Variants in SOAT1 observed in about 807,000 individuals in gnomAD.
SOAT1 encodes acyl-coenzyme A:cholesterol acyltransferase 1.
SOAT1 carries 55 observed loss-of-function variants against 69.5 expected under a neutral mutation model. The observed-to-expected ratio is 0.79, with a 90% CI of 0.64 to 0.99. The LOEUF is 0.99. Ranked by LOEUF, SOAT1 falls within the 50% of genes least tolerant of loss-of-function variation. SOAT1 has a pLI of 0.00. For missense variants in SOAT1, 580 were observed against 669.3 expected (o/e 0.87, Z 1.47); for synonymous variants, 231 against 224.7 (o/e 1.03, Z -0.25).
chr1:179,305,947 G>T (rs1664987579), intron 2 of SOAT1, among the ~76,000 whole-genome samples: 2 of 152,318 alleles, frequency 1.3e-5, no homozygotes, highest in South Asian at 4.1e-4. Context: ...GACCGATGGG[G>T]TTGGGGGAGC....
Position 179,345,018 on chromosome 1 carries a change from A to G in SOAT1, c.1059A>G (p.Lys353=), listed in dbSNP as rs768272475. The G allele has an allele frequency of 1.9e-6, 3 of 1,614,002 alleles. No homozygotes were observed. Among genetic ancestry groups the G allele is most frequent in the Non-Finnish European group, 2.5e-6 (3 of 1,179,996 alleles). Residue 353 remains lysine (K), a synonymous_variant, in exon 11 of 16, where the codon AAA becomes AAG. Coordinates refer to ENST00000367619, the MANE Select transcript of SOAT1 (RefSeq NM_003101.6). ...GTGCCCCCTTGTTTCGGAATATCAAACAGGAGCCCTTCAGCGCTCGTGTTC... is the reference window on the plus strand; with the variant it reads ...GTGCCCCCTTGTTTCGGAATATCAAGCAGGAGCCCTTCAGCGCTCGTGTTC... ...RLCAPLFRNI[K]QEPFSARVLV...
chr1:179,326,206 T>C (rs1203703776), intron 3 of SOAT1, among the ~76,000 whole-genome samples: 1 of 152,226 alleles, frequency 6.6e-6, no homozygotes, highest in East Asian at 1.9e-4. Context: ...TCGACTTTTA[T>C]GCCCTCCTTC....
intron 2 of SOAT1, among the ~76,000 whole-genome samples, chr1:179,315,469 T>TAA (rs559321401): frequency 3.5e-5 from 5 of 143,090 alleles, no homozygotes; most frequent in African/African-American, 1.3e-4. Flanking sequence ...GAACCTGTCT[T>TAA]AAAAAAAAAA....
intron 1 of SOAT1, among the ~76,000 whole-genome samples, chr1:179,301,478 C>G (rs930131640): frequency 1.3e-5 from 2 of 152,210 alleles, no homozygotes; most frequent in East Asian, 1.9e-4. Flanking sequence ...CAGTTCCAAT[C>G]GGGCTCTGTC....
At chr1:179,349,308 A>G (rs1351525130) in intron 13 of SOAT1, among the ~76,000 whole-genome samples, 7 of 147,188 alleles carry the variant, frequency 4.8e-5, no homozygotes, top group African/African-American at 1.7e-4. Flanking sequence ...TTCGTTTTTC[A>G]TGGTTAAAGG....
chr1:179,339,522 A>G lies in SOAT1; in HGVS notation c.474A>G (p.Val158=). 3.1e-6 allele frequency: 5 copies of G among 1,610,524 alleles called. No individual in the cohort carries two copies. The highest frequency in any genetic ancestry group is 1.1e-5 in the South Asian group (1 of 90,756). The part of the protein sequence containing the change: ...LLILFILSTL[V]VDYIDEGRLV... ...TTCTCTTTATCCTCAGCACACTTGT[A>G]GTAGATTACATTGATGAAGGAAGGT... is the stretch of plus-strand genomic sequence containing the variant. Residue 158 remains valine (V), a synonymous_variant, in exon 6 of 16, where the codon GTA becomes GTG. Coordinates refer to ENST00000367619, the MANE Select transcript of SOAT1 (RefSeq NM_003101.6).
chr1:179,320,413 T>C (rs1156403499), intron 2 of SOAT1, among the ~76,000 whole-genome samples: 49 of 152,266 alleles, frequency 3.2e-4, no homozygotes, highest in Non-Finnish European at 1.5e-5. Context: ...ATCTCTAAAA[T>C]TGGGAAGTGT....
chr1:179,335,714 G>A (rs1666123514), intron 4 of SOAT1, 57 bp downstream of exon 4: 5 of 1,476,744 alleles, frequency 3.4e-6, no homozygotes, highest in Non-Finnish European at 4.6e-6. Flanking sequence ...GTTCAATGGT[G>A]AAAATGGACT....
rs140574880 is a variant in SOAT1, at chr1:179,337,651, C to T, written c.330-186C>T. Among the ~76,000 whole-genome samples, 106 of 152,178 alleles carry T rather than the reference C, an allele frequency of 7.0e-4. 1 individual carries two copies. Among genetic ancestry groups the T allele is most frequent in the Non-Finnish European group, 5.9e-4 (40 of 68,012 alleles). On this transcript the variant is annotated intron_variant, in intron 4 of 15. Coordinates refer to ENST00000367619, the MANE Select transcript of SOAT1 (RefSeq NM_003101.6). ...GGTAAATGAAGTAACATACATAAAA[C>T]TGTAACACAATATTTGGATCTGTTT...
intron 1 of SOAT1, among the ~76,000 whole-genome samples, chr1:179,299,104 A>T (rs972106194): frequency 6.6e-6 from 1 of 152,162 alleles, no homozygotes; most frequent in Admixed American, 6.6e-5. Context: ...GTAACATGTG[A>T]CAGGATGCTC....
chr1:179,295,180 T>C (rs540518743), intron 1 of SOAT1, among the ~76,000 whole-genome samples: 1 of 152,336 alleles, frequency 6.6e-6, no homozygotes, highest in South Asian at 2.1e-4. Context: ...TGGCCCACTT[T>C]CCTTCTGGCT....
intron 1 of SOAT1, among the ~76,000 whole-genome samples, chr1:179,294,141 C>T (rs1664548438): frequency 6.6e-6 from 1 of 152,248 alleles, no homozygotes; most frequent in African/African-American, 2.4e-5. Flanking sequence ...GGGTCACGGG[C>T]AGCCTTTTAA....
chr1:179,301,044 G>T (rs576977006), intron 1 of SOAT1, among the ~76,000 whole-genome samples: 1 of 152,080 alleles, frequency 6.6e-6, no homozygotes. Context: ...GCAGTGAGCC[G>T]AGATTGCACC....
At chr1:179,310,880 A>G (rs1190631759) in intron 2 of SOAT1, among the ~76,000 whole-genome samples, 71 of 152,226 alleles carry the variant, frequency 4.7e-4, no homozygotes, top group Non-Finnish European at 1.5e-5. Context: ...AAAATTGGTT[A>G]TTAGTCACTG....
At chr1:179,348,688 T>G (rs1666612580) in intron 12 of SOAT1, among the ~76,000 whole-genome samples, 156 bp from the exon 13 acceptor site, 1 of 152,166 alleles carries the variant, frequency 6.6e-6, no homozygotes, top group African/African-American at 2.4e-5. Context: ...ACCAACAGTT[T>G]ATCACAGTAT....
Position 179,302,664 on chromosome 1 carries a change from C to G in SOAT1, c.-8-13C>G. ...CGGACTAATACGAAAGCTTTTTACACCTTCTTTCCTAGACAATACAATGGT... is the reference window on the plus strand; with the variant it reads ...CGGACTAATACGAAAGCTTTTTACAGCTTCTTTCCTAGACAATACAATGGT... On this transcript the variant is annotated splice_polypyrimidine_tract_variant and intron_variant, in intron 1 of 15. Coordinates refer to ENST00000367619, the MANE Select transcript of SOAT1 (RefSeq NM_003101.6). 2 of 1,549,118 alleles carry G rather than the reference C, an allele frequency of 1.3e-6. No individual in the cohort carries two copies. The highest frequency in any genetic ancestry group is 1.7e-6 in the Non-Finnish European group (2 of 1,145,412).
intron 2 of SOAT1, among the ~76,000 whole-genome samples, chr1:179,312,933 A>G (rs1324483114): frequency 6.6e-6 from 1 of 151,932 alleles, no homozygotes; most frequent in Non-Finnish European, 1.5e-5. Flanking sequence ...ACCTCTTTAA[A>G]TTTTTCCCAG....
chr1:179,331,363 G>A (rs1225221067), intron 3 of SOAT1, among the ~76,000 whole-genome samples: 1 of 152,098 alleles, frequency 6.6e-6, no homozygotes, highest in Non-Finnish European at 1.5e-5. Context: ...AAGAAGTTGT[G>A]TTTTCTGTTC....
chr1:179,299,091 A>G (rs1664746378), intron 1 of SOAT1, among the ~76,000 whole-genome samples: 1 of 152,158 alleles, frequency 6.6e-6, no homozygotes, highest in African/African-American at 2.4e-5. Flanking sequence ...ATTATAGGAC[A>G]ATGTAACATG....
Sources: gnomAD v4.1 joint callset for allele counts (sites outside exome capture counted in the v4.1 genomes callset) on GRCh38, gnomAD v4.1.1 for gene constraint, MANE v1.5 for transcripts, NCBI Gene and HGNC (gene_info 2026-07-23, HGNC 2026-07-21) for gene names.